Variants in BBS9 observed in about 807,000 individuals in gnomAD.
BBS9 encodes the protein protein PTHB1.
In BBS9, 89 loss-of-function variants were observed where a neutral mutation model predicts 117.7. The ratio of observed to expected loss-of-function variants is 0.76; its 90% CI spans 0.64 to 0.90. BBS9 has a LOEUF of 0.90. BBS9 is among the 40% of genes least tolerant of loss of function. The pLI is 0.00. For synonymous variants in BBS9, 379 were observed against 370.9 expected, an observed-to-expected ratio of 1.02 and a Z score of -0.25; for missense variants, 982 against 1,042.2, an observed-to-expected ratio of 0.94 and a Z score of 0.80.
intron 4 of BBS9, among the ~76,000 whole-genome samples, chr7:33,167,132 C>T (rs1386309360): frequency 6.6e-6 from 1 of 152,208 alleles, no homozygotes; most frequent in Non-Finnish European, 1.5e-5. Flanking sequence ...TGTCCAGGTT[C>T]TCCATGAGTC....
At position 33,560,057 on chromosome 7, in the gene BBS9, G is replaced by A. The variant is rs562738909; in HGVS notation, c.2521+25881G>A. Among the ~76,000 whole-genome samples, 5 of 152,162 alleles carry A rather than the reference G, an allele frequency of 3.3e-5. No individual in the cohort carries two copies. The East Asian group carries it at 5.8e-4, about 18-fold the overall frequency. ...CTCTCTATCAGTTTACCCAGATACC[G>A]TATCTGGGATTGCATTGTATTATAG... On this transcript the variant is annotated intron_variant, in intron 21 of 22. Coordinates refer to ENST00000242067, the MANE Select transcript of BBS9 (RefSeq NM_198428.3).
chr7:33,533,554 A>C (rs1306647847), intron 20 of BBS9: 1 of 209,400 alleles, frequency 4.8e-6, no homozygotes, highest in Non-Finnish European at 9.8e-6. Flanking sequence ...AGCCGAAGAT[A>C]AGAAAGATAA....
rs569385022 is a variant in BBS9 at position 33,543,858 on chromosome 7, A to G, written c.2521+9682A>G. ...TTATTCTTAGGTTTGTTCATTTTACATAATCCCAGACTTCTTGGAGGCTTT... is the reference window on the plus strand; with the variant it reads ...TTATTCTTAGGTTTGTTCATTTTACGTAATCCCAGACTTCTTGGAGGCTTT... On this transcript the variant is annotated intron_variant, in intron 21 of 22. Transcript: ENST00000242067. 6.6e-5 allele frequency among the ~76,000 whole-genome samples: 10 copies of G among 152,310 alleles called. No homozygotes were observed. The East Asian group carries it at 1.5e-3, about 24-fold the overall frequency.
At chr7:33,552,012 TAGAAA>T (rs1854503594) in intron 21 of BBS9, among the ~76,000 whole-genome samples, 1 of 152,170 alleles carries the variant, frequency 6.6e-6, no homozygotes. Context: ...GTTTCAATTT[TAGAAA>T]AGAAGCCAAA....
chr7:33,371,366 A>G (rs1275021660), intron 17 of BBS9, among the ~76,000 whole-genome samples: 2 of 152,194 alleles, frequency 1.3e-5, no homozygotes, highest in African/African-American at 2.4e-5. Flanking sequence ...TTGAGTATCT[A>G]GTTTTGCAAG....
intron 19 of BBS9, among the ~76,000 whole-genome samples, chr7:33,494,259 T>C (rs1210647273): frequency 1.3e-5 from 2 of 152,004 alleles, no homozygotes; most frequent in Admixed American, 1.3e-4. Context: ...AAACTTCATA[T>C]AGTACCTGGG....
intron 19 of BBS9, among the ~76,000 whole-genome samples, chr7:33,432,892 G>T (rs1466136347): frequency 3.3e-5 from 5 of 151,788 alleles, no homozygotes; most frequent in African/African-American, 1.2e-4. Flanking sequence ...TTACCTGCTA[G>T]TTTCTTCTCT....
rs1342592308 is a variant in BBS9 at position 33,388,261 on chromosome 7, G to A, written c.2115+117G>A. ...CTCATTTCCAGTGCTTTAAGGAACA[G>A]TGAACAGTGCACAAGCTTTAGAGTC... On this transcript the variant is annotated intron_variant, in intron 19 of 22. Transcript: ENST00000242067. 1.2e-5 allele frequency: 15 copies of A among 1,264,278 alleles called. 1 individual carries two copies. The highest frequency in any genetic ancestry group is 9.8e-5 in the South Asian group (8 of 81,602). The allele number at this position is 1,264,278 out of a possible 1,614,324, so 78.3% of individuals were successfully genotyped here.
intron 16 of BBS9, among the ~76,000 whole-genome samples, chr7:33,363,184 C>T (rs182360462): frequency 1.2e-3 from 183 of 152,156 alleles, no homozygotes; most frequent in Middle Eastern, 3.4e-3. Flanking sequence ...CTCACTGCAC[C>T]CTTCGCCTCC....
At chr7:33,485,410 T>C (rs999344151) in intron 19 of BBS9, among the ~76,000 whole-genome samples, 2 of 150,642 alleles carry the variant, frequency 1.3e-5, no homozygotes, top group African/African-American at 4.9e-5. Flanking sequence ...CCCGGGTTCA[T>C]GCCATTCTCC....
chr7:33,383,252 G>A (rs960984060), intron 17 of BBS9, among the ~76,000 whole-genome samples: 6 of 152,136 alleles, frequency 3.9e-5, no homozygotes, highest in African/African-American at 1.4e-4. Context: ...AGTATCCAGG[G>A]TATTGAATTT....
At chr7:33,245,501 T>C (rs1349832410) in intron 5 of BBS9, among the ~76,000 whole-genome samples, 1 of 152,166 alleles carries the variant, frequency 6.6e-6, no homozygotes, top group African/African-American at 2.4e-5. Flanking sequence ...TCACCTTATA[T>C]TATTTTTACT....
intron 1 of BBS9, among the ~76,000 whole-genome samples, chr7:33,139,913 G>T (rs1247362489): frequency 6.6e-6 from 1 of 151,904 alleles, no homozygotes; most frequent in Admixed American, 6.6e-5. Flanking sequence ...GATACAGTTG[G>T]TCACTCCCTT....
At chr7:33,140,152 G>C (rs1791212052) in intron 1 of BBS9, among the ~76,000 whole-genome samples, 1 of 152,004 alleles carries the variant, frequency 6.6e-6, no homozygotes, top group African/African-American at 2.4e-5. Flanking sequence ...AGCCTCCCGA[G>C]TAGCTGGGAC....
At chr7:33,342,516 A>C (rs1816764566) in intron 11 of BBS9, among the ~76,000 whole-genome samples, 1 of 152,120 alleles carries the variant, frequency 6.6e-6, no homozygotes, top group Admixed American at 6.5e-5. Context: ...TTCCTTATGT[A>C]GTAGCACTGT....
At chr7:33,477,997 T>A (rs1842031043) in intron 19 of BBS9, among the ~76,000 whole-genome samples, 1 of 152,074 alleles carries the variant, frequency 6.6e-6, no homozygotes, top group East Asian at 1.9e-4. Flanking sequence ...GTGTTAAATA[T>A]GACTTACTGA....
chr7:33,445,725 T>TGGGA (rs1237038451), intron 19 of BBS9, among the ~76,000 whole-genome samples: 4 of 152,140 alleles, frequency 2.6e-5, no homozygotes, highest in Non-Finnish European at 4.4e-5. Context: ...AGGGACCTGG[T>TGGGA]GGGAGGTGAT....
intron 5 of BBS9, among the ~76,000 whole-genome samples, chr7:33,195,698 A>G (rs1784824878): frequency 6.7e-6 from 1 of 148,942 alleles, no homozygotes; most frequent in Non-Finnish European, 1.5e-5. Context: ...TCTAATATTT[A>G]GTGTAAAAGA....
At chr7:33,399,961 A>G (rs532866681) in intron 19 of BBS9, among the ~76,000 whole-genome samples, 60 of 152,236 alleles carry the variant, frequency 3.9e-4, no homozygotes, top group African/African-American at 1.3e-3. Flanking sequence ...ACCATCTGGT[A>G]TGCTTTACTT....
Sources: allele counts gnomAD v4.1 joint callset (sites outside exome capture counted in the v4.1 genomes callset), GRCh38; gene constraint gnomAD v4.1.1; transcripts MANE v1.5; gene names NCBI Gene and HGNC (gene_info 2026-07-23, HGNC 2026-07-21).